The following CDC25B variants were observed in gnomAD, a reference collection of about 807,000 sequenced individuals.
CDC25B encodes the protein M-phase inducer phosphatase 2.
Under a neutral mutation model 69.8 loss-of-function variants are expected in CDC25B, and 33 were observed. The observed-to-expected ratio is 0.47, with a 90% CI of 0.36 to 0.63. CDC25B has a LOEUF of 0.63. Among genes scored for constraint, CDC25B ranks in the 30% least tolerant of loss-of-function variants. The pLI, the probability that CDC25B is intolerant of heterozygous loss-of-function variation, is 0.00. For missense variants in CDC25B, 727 were observed against 809.1 expected, an observed-to-expected ratio of 0.90 and a Z score of 1.23; for synonymous variants, 341 against 314.6, an observed-to-expected ratio of 1.08 and a Z score of -0.89.
rs1280057315 is a variant in CDC25B at position 3,802,048 on chromosome 20, A to AGCGGAG, written c.1053_1058dup (p.Arg351_Arg352dup). 1 of 1,571,854 alleles carries AGCGGAG rather than the reference A, an allele frequency of 6.4e-7. No individual in the cohort carries two copies. The highest frequency in any genetic ancestry group is 1.9e-5 in the Admixed American group (1 of 53,226). On this transcript the variant is annotated inframe_insertion, in exon 10 of 16. Coordinates refer to ENST00000245960, the MANE Select transcript of CDC25B (RefSeq NM_021873.4). Reference sequence around the variant, plus strand: ...GACAGGGACACGCCCGTGCAGAATAAGCGGAGGCGGAGCGTGACCCCTCCT... The same window carrying AGCGGAG: ...GACAGGGACACGCCCGTGCAGAATAAGCGGAGGCGGAGGCGGAGCGTGACCCCTCCT...
chr20:3,796,418 TCCCCC>T lies in CDC25B; in HGVS notation c.-106_-102del. On this transcript the variant is annotated 5_prime_UTR_variant, in exon 1 of 16. Transcript: ENST00000245960. ...CTGTGGCTCTTCCTCCCTCCCTCCT[TCCCCC>T]CCCCCCCACCCCTCGCCCGCTGCCT... The T allele has an allele frequency of 1.3e-5, 2 of 151,668 alleles. No homozygotes were observed. Among genetic ancestry groups the T allele is most frequent in the Non-Finnish European group, 1.5e-5 (2 of 130,168 alleles). The allele number at this position is 151,668 out of a possible 1,614,324, so 9.4% of individuals were successfully genotyped here. A position where few individuals can be genotyped will look rare whatever the true frequency, so the allele number is the denominator to read the frequency against.
chr20:3,800,949 T>C (rs1413516559), intron 6 of CDC25B, 22 bp from the exon 7 acceptor site: 6 of 1,613,454 alleles, frequency 3.7e-6, no homozygotes, highest in Non-Finnish European at 5.1e-6. Context: ...GTGAGGACCC[T>C]CCTCTCCCAT....
chr20:3,794,035 T>G (rs1320142612), upstream of CDC25B, among the ~76,000 whole-genome samples: 1 of 147,960 alleles, frequency 6.8e-6, no homozygotes, highest in Non-Finnish European at 1.5e-5. Context: ...TCTTTGCTAT[T>G]GTGAATAGTG....
chr20:3,791,188 A>C (rs1568498536), intron 1 of CDC25B, among the ~76,000 whole-genome samples: 1 of 152,210 alleles, frequency 6.6e-6, no homozygotes, highest in Non-Finnish European at 1.5e-5. Context: ...CAACGAACAT[A>C]CATCTGTGTG....
upstream of CDC25B, among the ~76,000 whole-genome samples, chr20:3,793,430 C>T (rs937497974): frequency 1.3e-5 from 2 of 152,008 alleles, no homozygotes; most frequent in Non-Finnish European, 2.9e-5. Context: ...GCACTCCAGC[C>T]TGGGCGACAG....
intron 1 of CDC25B, among the ~76,000 whole-genome samples, chr20:3,787,366 C>A (rs1200049442): frequency 6.6e-6 from 1 of 152,086 alleles, no homozygotes; most frequent in African/African-American, 2.4e-5. Context: ...TGAACACTAG[C>A]GTATGTAACC....
upstream of CDC25B, among the ~76,000 whole-genome samples, chr20:3,792,378 C>A (rs2088929984): frequency 6.6e-6 from 1 of 152,060 alleles, no homozygotes; most frequent in South Asian, 2.1e-4. Context: ...GGCTGGAGTG[C>A]AGTGGTGGAA....
Position 3,803,488 on chromosome 20 carries a change from G to GTCA in CDC25B, c.1444_1446dup (p.Ile482dup). On this transcript the variant is annotated inframe_insertion, in exon 14 of 16. Coordinates refer to ENST00000245960, the MANE Select transcript of CDC25B (RefSeq NM_021873.4). The surrounding 1 kb of genome is among the most constrained non-coding windows in gnomAD (Gnocchi z 4.9). ...CGCGCCCTGTAGCCTGGACAAGAGA[G>GTCA]TCATCCTCATTTTCCACTGTGAATT... The GTCA allele has an allele frequency of 6.2e-7, 1 of 1,614,074 alleles. No individual in the cohort carries two copies. Among genetic ancestry groups the GTCA allele is most frequent in the Non-Finnish European group, 8.5e-7 (1 of 1,179,990 alleles).
chr20:3,796,219 C>T, upstream of CDC25B: 1 of 1,263,812 alleles, frequency 7.9e-7, no homozygotes, highest in Non-Finnish European at 1.0e-6. Flanking sequence ...GTCCCGCCCT[C>T]ATCTAACCCG....
chr20:3,804,979 T>C lies in CDC25B; in HGVS notation c.*18T>C. ...ACCAGTGAGGGGCCTGCGCCAGTCC[T>C]GCTACCTCCCTTGCCTTTCGAGGCC... On this transcript the variant is annotated 3_prime_UTR_variant, in exon 16 of 16. Coordinates refer to ENST00000245960, the MANE Select transcript of CDC25B (RefSeq NM_021873.4). 6.2e-7 allele frequency: 1 copy of C among 1,607,842 alleles called. No homozygotes were observed. The highest frequency in any genetic ancestry group is 8.5e-7 in the Non-Finnish European group (1 of 1,178,726).
At chr20:3,795,473 G>C (rs967796129), upstream of CDC25B, among the ~76,000 whole-genome samples, 1 of 152,216 alleles carries the variant, frequency 6.6e-6, no homozygotes, top group African/African-American at 2.4e-5. Flanking sequence ...TAAATAATAT[G>C]GTGCCATTGG....
At chr20:3,793,848 G>GT (rs2088959813), upstream of CDC25B, among the ~76,000 whole-genome samples, 10 of 148,532 alleles carry the variant, frequency 6.7e-5, no homozygotes. Flanking sequence ...AATATGCGGT[G>GT]TTTGGTTTTT....
chr20:3,793,553 T>G (rs1600379597), upstream of CDC25B, among the ~76,000 whole-genome samples: 3 of 144,982 alleles, frequency 2.1e-5, no homozygotes, highest in East Asian at 5.9e-4. Flanking sequence ...TTTCTGTTTT[T>G]TTTTTTTTGG....
At position 3,806,074 on chromosome 20, in the gene CDC25B, G is replaced by A. The variant is rs914348484; in HGVS notation, c.*1113G>A. 1.0e-5 allele frequency: 4 copies of A among 397,544 alleles called. No individual in the cohort carries two copies. The highest frequency in any genetic ancestry group is 1.8e-5 in the Non-Finnish European group (4 of 225,610). 24.6% of individuals were successfully genotyped at this position (397,544 alleles called of 1,614,324 possible). On this transcript the variant is annotated 3_prime_UTR_variant, in exon 16 of 16. Coordinates refer to ENST00000245960, the MANE Select transcript of CDC25B (RefSeq NM_021873.4). ...GCTTGAAGGCCCTGCTGAGTCATCT[G>A]TTAGGGCCTTGGTTCAATAAAGCAC...
In CDC25B at chr20:3,804,983, A is replaced by G. The variant is rs751184849; in HGVS notation, c.*22A>G. Reference sequence around the variant, plus strand: ...GTGAGGGGCCTGCGCCAGTCCTGCTACCTCCCTTGCCTTTCGAGGCCTGAA... The same window carrying G: ...GTGAGGGGCCTGCGCCAGTCCTGCTGCCTCCCTTGCCTTTCGAGGCCTGAA... On this transcript the variant is annotated 3_prime_UTR_variant, in exon 16 of 16. Transcript: ENST00000245960. 1 of 1,605,702 alleles carries G rather than the reference A, an allele frequency of 6.2e-7. No homozygotes were observed. Among genetic ancestry groups the G allele is most frequent in the South Asian group, 1.1e-5 (1 of 90,882 alleles).
chr20:3,797,982 G>A (rs2089126402), intron 2 of CDC25B, among the ~76,000 whole-genome samples: 1 of 152,230 alleles, frequency 6.6e-6, no homozygotes, highest in African/African-American at 2.4e-5. Context: ...CCTCTACGGA[G>A]ATGAGATCTT....
intron 2 of CDC25B, 97 bp from the exon 3 acceptor site, chr20:3,798,315 G>GGTT: frequency 2.7e-6 from 1 of 371,310 alleles, no homozygotes; most frequent in Non-Finnish European, 4.6e-6. Flanking sequence ...ACTAGAAACT[G>GGTT]TTTTTTTTTT....
At chr20:3,798,044 A>G (rs6116045) in intron 2 of CDC25B, among the ~76,000 whole-genome samples, 84,781 of 152,184 alleles carry the variant, frequency 0.56, 24,405 homozygotes, top group African/African-American at 0.69. Flanking sequence ...CTACCTGGGA[A>G]GCACCCAGGG....
rs2089306133 is a variant in CDC25B at position 3,802,115 on chromosome 20, CCTGGGGTTCA to C, written c.1098+18_1098+27del. 6.5e-7 allele frequency: 1 copy of C among 1,544,644 alleles called. No individual in the cohort carries two copies. The highest frequency in any genetic ancestry group is 8.8e-7 in the Non-Finnish European group (1 of 1,141,660). On this transcript the variant is annotated intron_variant, in intron 10 of 15. Transcript: ENST00000245960. ...CTGAGGAACCTGTGAGTGCCTTCCT[CCTGGGGTTCA>C]CTTTGGCATGCACCTGGGCAGCCAC...
Sources: allele counts gnomAD v4.1 joint callset (sites outside exome capture counted in the v4.1 genomes callset), GRCh38; gene constraint gnomAD v4.1.1; non-coding constraint Gnocchi (gnomAD v3.1); transcripts MANE v1.5; gene names NCBI Gene and HGNC (gene_info 2026-07-23, HGNC 2026-07-21).